The following COX17 variants were observed in gnomAD, a reference collection of about 807,000 sequenced individuals.
COX17 encodes cytochrome c oxidase copper chaperone.
COX17 carries 1 observed loss-of-function variant against 6.3 expected under a neutral mutation model. The ratio of observed to expected loss-of-function variants is 0.16; its 90% confidence interval spans 0.06 to 0.75. The LOEUF (loss-of-function observed/expected upper bound fraction) is 0.75, where lower values mean the gene tolerates loss of function less well. COX17 is among the 30% of genes least tolerant of loss of function. COX17 has a pLI of 0.77. For missense variants in COX17, 73 were observed against 81.2 expected (o/e 0.90, Z 0.39); for synonymous variants, 26 against 30.5 (o/e 0.85, Z 0.49).
downstream of COX17, chr3:119,667,049 T>C (rs562795252): frequency 1.3e-5 from 2 of 152,314 alleles, no homozygotes; most frequent in Admixed American, 6.5e-5. Flanking sequence ...AAAGACATAG[T>C]ATTCCCAAGA....
intron 2 of COX17, among the ~76,000 whole-genome samples, chr3:119,673,589 T>G (rs1027465138): frequency 2.0e-5 from 3 of 152,188 alleles, no homozygotes; most frequent in African/African-American, 7.2e-5. Flanking sequence ...AGAAAGGTCT[T>G]AGGACAGCAC....
At chr3:119,667,434 C>T (rs2053002312), downstream of COX17, among the ~76,000 whole-genome samples, 1 of 152,112 alleles carries the variant, frequency 6.6e-6, no homozygotes, top group Non-Finnish European at 1.5e-5. Context: ...GCATACCAAA[C>T]TGGCAAAAGT....
At chr3:119,677,143 C>T (rs1197556368) in intron 1 of COX17, 61 bp downstream of exon 1, 3 of 1,373,918 alleles carry the variant, frequency 2.2e-6, no homozygotes, top group African/African-American at 1.4e-5. Flanking sequence ...GCAGAGGCAC[C>T]GGAAGGCACA....
downstream of COX17, chr3:119,665,252 T>A (rs1051690434): frequency 6.6e-6 from 1 of 152,204 alleles, no homozygotes; most frequent in Non-Finnish European, 1.5e-5. Context: ...CAGGCCTACC[T>A]TTCATCCAGG....
At chr3:119,670,192 A>G (rs2053030373) in intron 2 of COX17, among the ~76,000 whole-genome samples, 1 of 152,214 alleles carries the variant, frequency 6.6e-6, no homozygotes, top group South Asian at 2.1e-4. Flanking sequence ...GAAAAATCAA[A>G]AAGGGAGAGT....
chr3:119,671,446 T>TG (rs2053043304), intron 2 of COX17, among the ~76,000 whole-genome samples: 1 of 152,248 alleles, frequency 6.6e-6, no homozygotes, highest in Non-Finnish European at 1.5e-5. Flanking sequence ...TCATGATCGT[T>TG]GCCAGAGAGA....
chr3:119,676,463 AT>A (rs2053100884), intron 1 of COX17, among the ~76,000 whole-genome samples: 1 of 152,302 alleles, frequency 6.6e-6, no homozygotes, highest in South Asian at 2.1e-4. Flanking sequence ...CTCTAATGAG[AT>A]TTGCTCCACA....
intron 2 of COX17, among the ~76,000 whole-genome samples, chr3:119,672,321 C>T (rs1163867262): frequency 6.6e-6 from 1 of 152,216 alleles, no homozygotes; most frequent in Non-Finnish European, 1.5e-5. Context: ...ATAATTCTCA[C>T]TCTCTGCCCT....
chr3:119,677,374 G>A lies in COX17; in HGVS notation c.-64C>T, dbSNP rs966900048. 1.3e-5 allele frequency: 17 copies of A among 1,320,814 alleles called. No individual in the cohort carries two copies. The highest frequency in any genetic ancestry group is 2.4e-5 in the East Asian group (1 of 41,646). 81.8% of individuals were successfully genotyped at this position (1,320,814 alleles called of 1,614,324 possible). A position where few individuals can be genotyped will look rare whatever the true frequency, so the allele number is the denominator to read the frequency against. On this transcript the variant is annotated 5_prime_UTR_variant, in exon 1 of 3. Coordinates refer to ENST00000261070, the MANE Select transcript of COX17 (RefSeq NM_005694.2). ...ATCTATGCCAGCCTCGGCAAACGCC[G>A]ATTCGTCCGCAGTCACTTCCGGCAG...
intron 2 of COX17, among the ~76,000 whole-genome samples, chr3:119,672,482 T>A (rs2053054159): frequency 6.6e-6 from 1 of 152,218 alleles, no homozygotes; most frequent in Admixed American, 6.5e-5. Context: ...CACCCCTTTT[T>A]ATCAAGGCAA....
downstream of COX17, chr3:119,666,802 T>A (rs2107830748): frequency 6.6e-6 from 1 of 152,332 alleles, no homozygotes; most frequent in South Asian, 2.1e-4. Context: ...ACACTAGGGC[T>A]GTTCCCTGCA....
intron 2 of COX17, 133 bp downstream of exon 2, chr3:119,675,012 G>T: frequency 1.5e-6 from 1 of 646,036 alleles, no homozygotes. Context: ...ATTGGGAACT[G>T]AAAAATCATG....
At chr3:119,675,095 T>A in intron 2 of COX17, 50 bp downstream of exon 2, 2 of 1,265,290 alleles carry the variant, frequency 1.6e-6, no homozygotes, top group Non-Finnish European at 1.2e-6. Flanking sequence ...TGTAGCCCAA[T>A]TGTTGCTAAA....
chr3:119,664,579 G>A (rs957400900), downstream of COX17, among the ~76,000 whole-genome samples: 5 of 152,320 alleles, frequency 3.3e-5, no homozygotes, highest in East Asian at 1.9e-4. Context: ...AGAGGCAGGC[G>A]AGGCAGGCGG....
intron 3 of COX17, among the ~76,000 whole-genome samples, chr3:119,664,029 A>G (rs1005655932): frequency 2.0e-5 from 3 of 152,240 alleles, no homozygotes; most frequent in Non-Finnish European, 2.9e-5. Flanking sequence ...AGGACAGACT[A>G]TGTGTTCCAA....
chr3:119,666,624 C>A (rs879554904), downstream of COX17, among the ~76,000 whole-genome samples: 1 of 152,158 alleles, frequency 6.6e-6, no homozygotes, highest in Non-Finnish European at 1.5e-5. Flanking sequence ...TATATTTCTA[C>A]GGTTTATATA....
chr3:119,676,178 T>C (rs75920846), intron 1 of COX17, among the ~76,000 whole-genome samples: 1 of 152,342 alleles, frequency 6.6e-6, no homozygotes, highest in South Asian at 2.1e-4. Flanking sequence ...TGGATTAAGA[T>C]TCAAACCTTG....
chr3:119,674,878 CTCAG>C (rs1277068298), intron 2 of COX17: 1 of 371,006 alleles, frequency 2.7e-6, no homozygotes, highest in Admixed American at 4.1e-5. Flanking sequence ...TTTTAGTTCC[CTCAG>C]TCAATTTTCC....
chr3:119,667,698 C>A (rs1297934986), downstream of COX17, among the ~76,000 whole-genome samples: 2 of 93,322 alleles, frequency 2.1e-5, no homozygotes, highest in Admixed American at 1.1e-4. Context: ...TACACACACA[C>A]ACACACACAC....
Sources: allele counts gnomAD v4.1 joint callset (sites outside exome capture counted in the v4.1 genomes callset), GRCh38; gene constraint gnomAD v4.1.1; transcripts MANE v1.5; gene names NCBI Gene and HGNC (gene_info 2026-07-23, HGNC 2026-07-21).